TMTC2: variants seen among roughly 807,000 people sequenced by gnomAD.
TMTC2 encodes transmembrane O-mannosyltransferase targeting cadherins 2.
A neutral mutation model predicts 82.4 loss-of-function variants in TMTC2; 43 were observed. The observed-to-expected ratio is 0.52, with a 90% confidence interval of 0.41 to 0.67. The LOEUF is 0.67. TMTC2 is among the 30% of genes least tolerant of loss of function. TMTC2 has a pLI of 0.00. For synonymous variants in TMTC2, 408 were observed against 381.9 expected, an observed-to-expected ratio of 1.07 and a Z score of -0.80; for missense variants, 919 against 1,012.4, an observed-to-expected ratio of 0.91 and a Z score of 1.25.
At chr12:82,746,504 C>T (rs971566619) in intron 1 of TMTC2, among the ~76,000 whole-genome samples, 2 of 152,250 alleles carry the variant, frequency 1.3e-5, no homozygotes, top group Middle Eastern at 3.4e-3. Flanking sequence ...TTGTGAGGGA[C>T]ATACACCCAC....
At chr12:82,790,698 A>G (rs1304525082) in intron 1 of TMTC2, among the ~76,000 whole-genome samples, 1 of 151,726 alleles carries the variant, frequency 6.6e-6, no homozygotes, top group Non-Finnish European at 1.5e-5. Context: ...GTGGTTGTGC[A>G]TGCCTGTAAT....
chr12:83,061,669 C>A (rs1882745880), intron 10 of TMTC2, 99 bp from the exon 11 acceptor site: 9 of 1,059,244 alleles, frequency 8.5e-6, no homozygotes, highest in Non-Finnish European at 1.2e-5. Flanking sequence ...TTGGTGTGAC[C>A]AGAATTTTTT....
intron 1 of TMTC2, among the ~76,000 whole-genome samples, chr12:82,752,602 A>T (rs1876076634): frequency 6.6e-6 from 1 of 152,042 alleles, no homozygotes; most frequent in Admixed American, 6.6e-5. Flanking sequence ...CTTTTGGTAA[A>T]TTGGCTTAGA....
At chr12:83,014,944 A>G (rs1880610130) in intron 8 of TMTC2, among the ~76,000 whole-genome samples, 1 of 152,126 alleles carries the variant, frequency 6.6e-6, no homozygotes, top group South Asian at 2.1e-4. Context: ...GTATGATATT[A>G]TCCCTGTAAA....
chr12:83,129,076 A>C (rs2137571846), intron 11 of TMTC2, among the ~76,000 whole-genome samples: 1 of 152,338 alleles, frequency 6.6e-6, no homozygotes, highest in African/African-American at 2.4e-5. Context: ...TGATGTTTTA[A>C]GCATTACATA....
intron 8 of TMTC2, among the ~76,000 whole-genome samples, chr12:83,015,656 C>T (rs182635056): frequency 3.7e-4 from 57 of 152,288 alleles, no homozygotes; most frequent in Non-Finnish European, 8.8e-5. Context: ...CACCTCTGTA[C>T]TCCATGTTTT....
intron 1 of TMTC2, among the ~76,000 whole-genome samples, chr12:82,703,855 A>T (rs568664088): frequency 6.6e-6 from 1 of 152,342 alleles, no homozygotes; most frequent in Non-Finnish European, 1.5e-5. Flanking sequence ...TTTTGAGGTG[A>T]CATCAAGACA....
intron 2 of TMTC2, among the ~76,000 whole-genome samples, chr12:82,875,477 T>C (rs1367418721): frequency 6.6e-6 from 1 of 152,132 alleles, no homozygotes; most frequent in Non-Finnish European, 1.5e-5. Context: ...TTTTTCCTAC[T>C]CCATATTGTA....
intron 2 of TMTC2, among the ~76,000 whole-genome samples, chr12:82,876,057 G>A (rs112830382): frequency 2.2e-5 from 3 of 137,110 alleles, no homozygotes; most frequent in Admixed American, 7.1e-5. Flanking sequence ...GGTGGTGGTG[G>A]TGGTGGTGGT....
chr12:82,905,859 C>T (rs1279196164), intron 3 of TMTC2, among the ~76,000 whole-genome samples: 3 of 151,484 alleles, frequency 2.0e-5, no homozygotes, highest in South Asian at 2.1e-4. Context: ...GCAGGAGAAT[C>T]GCTTGAACCC....
chr12:83,034,508 G>A lies in TMTC2; in HGVS notation c.2152+3629G>A, dbSNP rs1002791651. On this transcript the variant is annotated intron_variant, in intron 9 of 11. Transcript: ENST00000321196. The stretch of plus-strand genomic sequence containing the variant: ...TTTTGCATTGTATTCTGAGTGTACC[G>A]GAAGGGACCATGTGGAGAAGACAGG... Among the ~76,000 whole-genome samples the A allele has an allele frequency of 9.2e-5, 14 of 152,286 alleles. No individual in the cohort carries two copies. The East Asian group carries it at 9.7e-4, about 10-fold the overall frequency.
Position 82,808,665 on chromosome 12 carries a change from C to T in TMTC2, c.84-48345C>T, listed in dbSNP as rs534493707. On this transcript the variant is annotated intron_variant, in intron 1 of 11. Coordinates refer to ENST00000321196, the MANE Select transcript of TMTC2 (RefSeq NM_152588.3). Reference sequence around the variant, plus strand: ...TTGGAAGCAAAATTTGTACTTGCGTCTTTTGGTATCTATTCCAGTATTCTT... The same window carrying T: ...TTGGAAGCAAAATTTGTACTTGCGTTTTTTGGTATCTATTCCAGTATTCTT... Among the ~76,000 whole-genome samples, 17 of 152,200 alleles carry T rather than the reference C, an allele frequency of 1.1e-4. No individual in the cohort carries two copies. In the South Asian group the frequency reaches 1.4e-3, roughly 13 times the overall value.
intron 11 of TMTC2, among the ~76,000 whole-genome samples, chr12:83,063,787 G>T (rs917782152): frequency 1.3e-5 from 2 of 151,844 alleles, no homozygotes; most frequent in Admixed American, 6.6e-5. Flanking sequence ...GAACAAAATG[G>T]TTAGGAGCTA....
At chr12:82,748,087 G>A (rs898907127) in intron 1 of TMTC2, among the ~76,000 whole-genome samples, 2 of 152,174 alleles carry the variant, frequency 1.3e-5, no homozygotes, top group Non-Finnish European at 2.9e-5. Flanking sequence ...GAGGCGGGTG[G>A]ATCACGCGGT....
rs80247459 is a variant in TMTC2, at chr12:82,761,361, A to G, written c.83+73692A>G. 4.5e-3 allele frequency among the ~76,000 whole-genome samples: 685 copies of G among 152,328 alleles called. 6 individuals carry two copies. The highest frequency in any genetic ancestry group is 8.3e-3 in the Non-Finnish European group (567 of 68,018). On this transcript the variant is annotated intron_variant, in intron 1 of 11. Coordinates refer to ENST00000321196, the MANE Select transcript of TMTC2 (RefSeq NM_152588.3). ...TCTTAAGAGACTTGTGGCTGGTCAG[A>G]TAAGAGAAACTGCAGAGCAATGAGG...
At chr12:83,112,115 C>G (rs1884619618) in intron 11 of TMTC2, among the ~76,000 whole-genome samples, 1 of 152,112 alleles carries the variant, frequency 6.6e-6, no homozygotes. Flanking sequence ...AAAAAAAAGA[C>G]TCCTTCAGTG....
rs529710613 is a variant in TMTC2, at chr12:82,801,329, T to C, written c.84-55681T>C. ...TGAAACTGCAGATCTTCACCATGAGTGTTACAGTTCATAAAGACAGTGTGG... is the reference window on the plus strand; with the variant it reads ...TGAAACTGCAGATCTTCACCATGAGCGTTACAGTTCATAAAGACAGTGTGG... On this transcript the variant is annotated intron_variant, in intron 1 of 11. Coordinates refer to ENST00000321196, the MANE Select transcript of TMTC2 (RefSeq NM_152588.3). Among the ~76,000 whole-genome samples, 161 of 152,020 alleles carry C rather than the reference T, an allele frequency of 1.1e-3. 1 individual carries two copies. The highest frequency in any genetic ancestry group is 3.2e-3 in the Admixed American group (49 of 15,274).
At chr12:83,041,480 G>T (rs758495412) in intron 9 of TMTC2, among the ~76,000 whole-genome samples, 1 of 151,982 alleles carries the variant, frequency 6.6e-6, no homozygotes, top group Non-Finnish European at 1.5e-5. Context: ...TGTGACAATG[G>T]GCATTTATTA....
At chr12:83,093,973 G>A (rs895414656) in intron 11 of TMTC2, among the ~76,000 whole-genome samples, 1 of 152,188 alleles carries the variant, frequency 6.6e-6, no homozygotes, top group Non-Finnish European at 1.5e-5. Flanking sequence ...ATATTGCTAT[G>A]AGAATGTTGA....
Sources: gnomAD v4.1 joint callset for allele counts (sites outside exome capture counted in the v4.1 genomes callset) on GRCh38, gnomAD v4.1.1 for gene constraint, MANE v1.5 for transcripts, NCBI Gene and HGNC (gene_info 2026-07-23, HGNC 2026-07-21) for gene names.